The following DGKG variants were observed in gnomAD, a reference collection of about 807,000 sequenced individuals.
The protein encoded by DGKG is DAG kinase gamma.
Under a neutral mutation model 105.3 loss-of-function variants are expected in DGKG, and 78 were observed. The observed-to-expected ratio is 0.74, with a 90% CI of 0.62 to 0.89. DGKG has a LOEUF of 0.89. Ranked by LOEUF, DGKG falls within the 40% of genes least tolerant of loss-of-function variation. The probability of loss-of-function intolerance (pLI) is 0.00; values close to 1 mark genes in which losing one functional copy is unlikely to be tolerated. For synonymous variants in DGKG, 346 were observed against 367.1 expected (o/e 0.94, Z 0.66); for missense variants, 958 against 1,020.1 (o/e 0.94, Z 0.83).
At chr3:186,260,091 T>C (rs983125960) in intron 16 of DGKG, among the ~76,000 whole-genome samples, 32 of 152,208 alleles carry the variant, frequency 2.1e-4, no homozygotes, top group Admixed American at 1.5e-3. Context: ...GATGATTCAG[T>C]ATGAAGACAC....
At chr3:186,307,016 A>G (rs1297135483) in intron 2 of DGKG, 39 bp from the exon 3 acceptor site, 3 of 1,370,272 alleles carry the variant, frequency 2.2e-6, no homozygotes, top group African/African-American at 2.8e-5. Flanking sequence ...ACTGGCAAAT[A>G]GCTAATGGAA....
Position 186,150,024 on chromosome 3 carries a change from T to A in DGKG, c.*66A>T. 6.4e-7 allele frequency: 1 copy of A among 1,553,356 alleles called. No homozygotes were observed. Among genetic ancestry groups the A allele is most frequent in the South Asian group, 1.2e-5 (1 of 84,392 alleles). On this transcript the variant is annotated 3_prime_UTR_variant, in exon 25 of 25. Transcript: ENST00000265022. ...TGCATGTGTGAGTGTGCACATAAAT[T>A]GTGTGTGAGTGTGCATTATAGTTTC...
At chr3:186,238,878 A>G (rs1258904281) in intron 20 of DGKG, among the ~76,000 whole-genome samples, 1 of 152,172 alleles carries the variant, frequency 6.6e-6, no homozygotes, top group Non-Finnish European at 1.5e-5. Flanking sequence ...TAGAGAGGCC[A>G]TGGAGGAAGA....
intron 22 of DGKG, among the ~76,000 whole-genome samples, chr3:186,176,459 C>T (rs1285328090): frequency 1.3e-5 from 2 of 152,148 alleles, no homozygotes; most frequent in African/African-American, 4.8e-5. Flanking sequence ...CTAATATCAT[C>T]TCAGATTCTC....
intron 1 of DGKG, among the ~76,000 whole-genome samples, chr3:186,344,464 T>C (rs1364738220): frequency 6.6e-6 from 1 of 152,208 alleles, no homozygotes; most frequent in Non-Finnish European, 1.5e-5. Flanking sequence ...GATGGATACT[T>C]AGCAAAGTAA....
At chr3:186,198,351 T>C (rs764309614) in intron 21 of DGKG, among the ~76,000 whole-genome samples, 15 of 152,232 alleles carry the variant, frequency 9.9e-5, no homozygotes, top group Non-Finnish European at 2.1e-4. Context: ...CCTGAATAGG[T>C]AACAAGAGTA....
At chr3:186,270,014 G>T (rs2268832) in intron 11 of DGKG, among the ~76,000 whole-genome samples, 91,551 of 151,956 alleles carry the variant, frequency 0.6, 27,820 homozygotes, top group African/African-American at 0.63. Context: ...GAAGGAAGTG[G>T]ATATGGACTC....
In DGKG at chr3:186,148,022, C is replaced by T. The variant is rs192095913; in HGVS notation, c.*2068G>A. 57 of 985,452 alleles carry T rather than the reference C, an allele frequency of 5.8e-5. No individual in the cohort carries two copies. Among genetic ancestry groups the T allele is most frequent in the Middle Eastern group, 1.0e-3 (2 of 1,918 alleles). 61.0% of individuals were successfully genotyped at this position (985,452 alleles called of 1,614,324 possible). On this transcript the variant is annotated 3_prime_UTR_variant, in exon 25 of 25. Coordinates refer to ENST00000265022, the MANE Select transcript of DGKG (RefSeq NM_001346.3). ...TTCACAGTTAAGTGCCATTTGTACA[C>T]ACAATCTTAATATTCCCTTCTTTGT...
chr3:186,268,794 A>G lies in DGKG; in HGVS notation c.1116+7T>C, dbSNP rs1476976721. 1 of 1,605,450 alleles carries G rather than the reference A, an allele frequency of 6.2e-7. No homozygotes were observed. Among genetic ancestry groups the G allele is most frequent in the East Asian group, 2.2e-5 (1 of 44,790 alleles). ...AAGAAGCAGGGCCGCCCTGGGCGCC[A>G]ACCCACCGTCATCCGGCACCACACG... On this transcript the variant is annotated splice_region_variant and intron_variant, in intron 12 of 24. Transcript: ENST00000265022.
chr3:186,215,142 G>A (rs1439343203), intron 20 of DGKG, among the ~76,000 whole-genome samples: 4 of 152,166 alleles, frequency 2.6e-5, no homozygotes, highest in South Asian at 2.1e-4. Flanking sequence ...GGGGCGCGAC[G>A]GCTCACGCCT....
At chr3:186,169,010 A>G (rs1027677753) in intron 22 of DGKG, among the ~76,000 whole-genome samples, 49 of 152,230 alleles carry the variant, frequency 3.2e-4, no homozygotes, top group African/African-American at 9.9e-4. Context: ...CTTTCTTGGT[A>G]TTGATCATGA....
intron 5 of DGKG, among the ~76,000 whole-genome samples, chr3:186,294,854 A>AG (rs1723474701): frequency 6.6e-6 from 1 of 152,198 alleles, no homozygotes; most frequent in African/African-American, 2.4e-5. Context: ...GGCATGGACG[A>AG]GCCAGCAATT....
rs59998702 is a variant in DGKG, at chr3:186,289,389, G to C, written c.374-509C>G. 7.8e-3 allele frequency among the ~76,000 whole-genome samples: 1,186 copies of C among 152,302 alleles called. 17 individuals are homozygous for C. The highest frequency in any genetic ancestry group is 0.027 in the African/African-American group (1,139 of 41,554). ...TTAACGAATCTCCAGAAACTAGGAA[G>C]AACTCAAACTAACTGCAAGTCTAAT... On this transcript the variant is annotated intron_variant, in intron 5 of 24. Coordinates refer to ENST00000265022, the MANE Select transcript of DGKG (RefSeq NM_001346.3).
intron 5 of DGKG, among the ~76,000 whole-genome samples, chr3:186,297,039 ACC>A (rs1723597838): frequency 7.9e-6 from 1 of 126,170 alleles, no homozygotes; most frequent in African/African-American, 3.2e-5. Flanking sequence ...AGCCACAGCC[ACC>A]TCTCTCTGTC....
chr3:186,257,995 G>A, intron 16 of DGKG, 56 bp from the exon 17 acceptor site: 2 of 1,296,914 alleles, frequency 1.5e-6, no homozygotes, highest in South Asian at 2.4e-5. Flanking sequence ...AGCTGACATT[G>A]ATACATGTTG....
At chr3:186,338,793 C>T (rs1380492731) in intron 1 of DGKG, among the ~76,000 whole-genome samples, 1 of 152,034 alleles carries the variant, frequency 6.6e-6, no homozygotes, top group Non-Finnish European at 1.5e-5. Context: ...AGTTTACGTA[C>T]ATTGGTTAGA....
intron 19 of DGKG, among the ~76,000 whole-genome samples, chr3:186,249,349 C>T (rs1483419099): frequency 1.3e-5 from 2 of 152,142 alleles, no homozygotes; most frequent in Admixed American, 6.5e-5. Context: ...AGAAAAAGAG[C>T]ACCGGATTAG....
chr3:186,290,484 C>G (rs1169909787), intron 5 of DGKG, among the ~76,000 whole-genome samples: 2 of 152,188 alleles, frequency 1.3e-5, no homozygotes, highest in African/African-American at 4.8e-5. Context: ...GATTTACCCT[C>G]TCACCTAAAA....
chr3:186,297,387 C>A (rs1723633123), intron 5 of DGKG, 34 bp downstream of exon 5: 3 of 1,550,098 alleles, frequency 1.9e-6, no homozygotes, highest in Non-Finnish European at 1.8e-6. Flanking sequence ...GTATTCCCTA[C>A]TTTTCCCACA....
Sources: gnomAD v4.1 joint callset for allele counts (sites outside exome capture counted in the v4.1 genomes callset) on GRCh38, gnomAD v4.1.1 for gene constraint, MANE v1.5 for transcripts, NCBI Gene and HGNC (gene_info 2026-07-23, HGNC 2026-07-21) for gene names.